RALYL: variants seen among roughly 807,000 people sequenced by gnomAD.
The protein encoded by RALYL is RNA-binding Raly-like protein.
Under a neutral mutation model 35.1 loss-of-function variants are expected in RALYL, and 29 were observed. The observed-to-expected ratio is 0.83, with a 90% confidence interval of 0.61 to 1.13. The LOEUF (loss-of-function observed/expected upper bound fraction) is 1.13. Among genes scored for constraint, RALYL ranks in the 50% most tolerant of loss-of-function variants. The pLI is 0.00. For missense variants in RALYL, 359 were observed against 360.4 expected, an observed-to-expected ratio of 1.00 and a Z score of 0.03; for synonymous variants, 120 against 127.6, an observed-to-expected ratio of 0.94 and a Z score of 0.40.
chr8:84,735,277 G>C (rs910842691), intron 2 of RALYL, among the ~76,000 whole-genome samples: 3 of 151,880 alleles, frequency 2.0e-5, no homozygotes, highest in Non-Finnish European at 4.4e-5. Context: ...AACAGTGTCT[G>C]CCACACTGGG....
At chr8:84,269,541 G>A (rs1211875525) in intron 1 of RALYL, among the ~76,000 whole-genome samples, 4 of 152,168 alleles carry the variant, frequency 2.6e-5, no homozygotes, top group Middle Eastern at 3.4e-3. Context: ...AAGTTCTTTA[G>A]GAATTATAAA....
chr8:84,392,817 T>A (rs145866026), intron 1 of RALYL, among the ~76,000 whole-genome samples: 1 of 152,154 alleles, frequency 6.6e-6, no homozygotes, highest in Non-Finnish European at 1.5e-5. Flanking sequence ...TTTGGGCTAT[T>A]TTACTTGTAA....
At chr8:84,844,695 A>G (rs1029085418) in intron 4 of RALYL, among the ~76,000 whole-genome samples, 31 of 152,052 alleles carry the variant, frequency 2.0e-4, no homozygotes, top group African/African-American at 7.3e-4. Context: ...CACTATTCAC[A>G]ATGGCAAAGA....
rs552638126 is a variant in RALYL at position 84,711,843 on chromosome 8, T to C, written c.257-62736T>C. Among the ~76,000 whole-genome samples the C allele has an allele frequency of 3.3e-5, 5 of 152,304 alleles. No homozygotes were observed. The South Asian group carries it at 1.0e-3, about 32-fold the overall frequency. ...TAAATAGCAATATAAAAATGGATTA[T>C]TTAAAACAAATACTTATGTTGATAC... is the stretch of plus-strand genomic sequence containing the variant. On this transcript the variant is annotated intron_variant, in intron 2 of 8. Coordinates refer to ENST00000521268, the MANE Select transcript of RALYL (RefSeq NM_173848.7).
chr8:84,811,993 T>G (rs1826011952), intron 4 of RALYL, among the ~76,000 whole-genome samples: 1 of 152,186 alleles, frequency 6.6e-6, no homozygotes, highest in African/African-American at 2.4e-5. Flanking sequence ...CTGAACCCTT[T>G]TTCAGGTAAA....
chr8:84,647,496 C>T (rs1827744472), intron 2 of RALYL, among the ~76,000 whole-genome samples: 1 of 152,036 alleles, frequency 6.6e-6, no homozygotes, highest in Non-Finnish European at 1.5e-5. Flanking sequence ...ACCTTGTGTT[C>T]TTTTCACAAC....
At chr8:84,525,946 CTTTTTTCTTTTT>C (rs1246507560) in intron 1 of RALYL, among the ~76,000 whole-genome samples, 2 of 122,804 alleles carry the variant, frequency 1.6e-5, no homozygotes, top group African/African-American at 3.1e-5. Flanking sequence ...TTTCTCTTTT[CTTTTTTCTTTTT>C]TTTTTTTTTT....
In RALYL at chr8:84,228,356, G is replaced by A. The variant is rs563438860; in HGVS notation, c.-24+43932G>A. On this transcript the variant is annotated intron_variant, in intron 1 of 8. Coordinates refer to ENST00000521268, the MANE Select transcript of RALYL (RefSeq NM_173848.7). ...CACATACAAAATTACTACCATAGAA[G>A]AATTTTGATGGCACTTTTAATTCAA... 2.6e-4 allele frequency among the ~76,000 whole-genome samples: 39 copies of A among 152,120 alleles called. No individual in the cohort carries two copies. In the South Asian group the frequency reaches 7.7e-3, roughly 30 times the overall value.
chr8:84,467,284 C>G (rs2051841760), intron 1 of RALYL, among the ~76,000 whole-genome samples: 1 of 151,680 alleles, frequency 6.6e-6, no homozygotes, highest in Admixed American at 6.6e-5. Flanking sequence ...GCATTTAGTG[C>G]TATAAATTTC....
chr8:84,583,488 T>A (rs1036994013), intron 2 of RALYL, among the ~76,000 whole-genome samples: 3 of 152,138 alleles, frequency 2.0e-5, no homozygotes, highest in Non-Finnish European at 2.9e-5. Context: ...CCTAATACAT[T>A]AAACTTAATT....
chr8:84,692,737 G>C (rs886752824), intron 2 of RALYL, among the ~76,000 whole-genome samples: 1 of 152,012 alleles, frequency 6.6e-6, no homozygotes, highest in Admixed American at 6.6e-5. Context: ...TTCAGGATCT[G>C]GCTGTTTTTC....
At chr8:84,273,086 A>G (rs1416200177) in intron 1 of RALYL, among the ~76,000 whole-genome samples, 1 of 152,244 alleles carries the variant, frequency 6.6e-6, no homozygotes, top group Non-Finnish European at 1.5e-5. Flanking sequence ...TAGTCAGAGG[A>G]CAAGTTTACT....
chr8:84,590,457 T>C (rs1241460107), intron 2 of RALYL, among the ~76,000 whole-genome samples: 2 of 152,130 alleles, frequency 1.3e-5, no homozygotes, highest in African/African-American at 4.8e-5. Context: ...ACTTGTGTAT[T>C]TGAGTTTCAA....
intron 1 of RALYL, among the ~76,000 whole-genome samples, chr8:84,450,336 G>T (rs711010): frequency 0.041 from 6,187 of 151,848 alleles, 163 homozygotes; most frequent in Middle Eastern, 0.075. Flanking sequence ...TAAACTACTG[G>T]GAGTAATAAT....
At chr8:84,430,736 G>A (rs944668231) in intron 1 of RALYL, among the ~76,000 whole-genome samples, 2 of 151,720 alleles carry the variant, frequency 1.3e-5, no homozygotes, top group African/African-American at 4.8e-5. Context: ...TGCCTTACTA[G>A]ATAGCTTCAG....
chr8:84,189,810 G>A (rs1444234411), intron 1 of RALYL, among the ~76,000 whole-genome samples: 1 of 152,052 alleles, frequency 6.6e-6, no homozygotes, highest in East Asian at 1.9e-4. Flanking sequence ...AGTTTGGCAA[G>A]TTTTCAACAG....
intron 1 of RALYL, among the ~76,000 whole-genome samples, chr8:84,502,274 T>A (rs2056756445): frequency 6.6e-6 from 1 of 152,040 alleles, no homozygotes; most frequent in Non-Finnish European, 1.5e-5. Flanking sequence ...TACATTGCAG[T>A]CCATTAACTG....
chr8:84,440,699 T>C (rs1020825890), intron 1 of RALYL, among the ~76,000 whole-genome samples: 16 of 152,176 alleles, frequency 1.1e-4, no homozygotes, highest in Admixed American at 2.0e-4. Flanking sequence ...ATTATTTTCC[T>C]TTTTATGCCA....
intron 3 of RALYL, among the ~76,000 whole-genome samples, chr8:84,782,869 A>G (rs1215259594): frequency 6.6e-6 from 1 of 152,054 alleles, no homozygotes; most frequent in Non-Finnish European, 1.5e-5. Flanking sequence ...GTCAGTGTTG[A>G]TTTCATTTGT....
Sources: gnomAD v4.1 joint callset for allele counts (sites outside exome capture counted in the v4.1 genomes callset) on GRCh38, gnomAD v4.1.1 for gene constraint, MANE v1.5 for transcripts, NCBI Gene and HGNC (gene_info 2026-07-23, HGNC 2026-07-21) for gene names.